ANKRD30BL: variants seen among roughly 807,000 people sequenced by gnomAD.
ANKRD30BL encodes the protein ankyrin repeat domain 30B like, also known as putative ankyrin repeat domain-containing protein 30B-like.
Under a neutral mutation model 18.4 loss-of-function variants are expected in ANKRD30BL, and 20 were observed. The ratio of observed to expected loss-of-function variants is 1.09; its 90% CI spans 0.77 to 1.58. The LOEUF is 1.58. Ranked by LOEUF, ANKRD30BL falls within the 40% of genes most tolerant of loss-of-function variation. The pLI, the probability that ANKRD30BL is intolerant of heterozygous loss-of-function variation, is 0.00. For synonymous variants in ANKRD30BL, 72 were observed against 100.9 expected, an observed-to-expected ratio of 0.71 and a Z score of 1.72; for missense variants, 224 against 268.6, an observed-to-expected ratio of 0.83 and a Z score of 1.16.
At chr2:132,210,271 C>A (rs1460664169) in intron 1 of ANKRD30BL, among the ~76,000 whole-genome samples, 1 of 136,396 alleles carries the variant, frequency 7.3e-6, no homozygotes, top group Non-Finnish European at 1.6e-5. Context: ...CAGAGATGAA[C>A]CTTTCTTTTG....
At chr2:132,181,806 T>C (rs1197835533) in intron 1 of ANKRD30BL, among the ~76,000 whole-genome samples, 1 of 152,100 alleles carries the variant, frequency 6.6e-6, no homozygotes, top group Non-Finnish European at 1.5e-5. Context: ...GGATGAACTG[T>C]TTAGGTCAAA....
intron 1 of ANKRD30BL, among the ~76,000 whole-genome samples, chr2:132,233,860 C>T (rs1224649020): frequency 6.6e-6 from 1 of 151,760 alleles, no homozygotes; most frequent in African/African-American, 2.4e-5. Flanking sequence ...CAGAACTCTC[C>T]ACCCCAAATC....
At chr2:132,187,188 G>GTTTTTTTTTTTTTTTTTTTTTTTTTT (rs1193358076) in intron 1 of ANKRD30BL, among the ~76,000 whole-genome samples, 4 of 90,628 alleles carry the variant, frequency 4.4e-5, no homozygotes, top group African/African-American at 1.2e-4. Flanking sequence ...TTTTTTGTTT[G>GTTTTTTTTTTTTTTTTTTTTTTTTTT]TTTTTTTTTT....
At chr2:132,251,477 A>AC (rs1680647471) in intron 1 of ANKRD30BL, among the ~76,000 whole-genome samples, 1 of 152,014 alleles carries the variant, frequency 6.6e-6, no homozygotes. Context: ...GTTTTCCTCC[A>AC]CCCCTTCCCC....
intron 5 of ANKRD30BL, among the ~76,000 whole-genome samples, chr2:132,149,543 G>A (rs1351644863): frequency 2.6e-5 from 4 of 152,114 alleles, no homozygotes; most frequent in Non-Finnish European, 4.4e-5. Flanking sequence ...TCTCCTACTG[G>A]TACTGATGCA....
At chr2:132,215,028 T>A (rs1186199076) in intron 1 of ANKRD30BL, among the ~76,000 whole-genome samples, 1 of 151,578 alleles carries the variant, frequency 6.6e-6, no homozygotes, top group Non-Finnish European at 1.5e-5. Context: ...AAAAACTAGA[T>A]ATAATCATCC....
upstream of ANKRD30BL, among the ~76,000 whole-genome samples, chr2:132,165,587 G>C (rs1450212757): frequency 5.9e-5 from 9 of 151,264 alleles, no homozygotes; most frequent in East Asian, 1.8e-3. Flanking sequence ...GCCGGACATG[G>C]TGGTAGGAGC....
chr2:132,230,581 T>C (rs576623862), intron 1 of ANKRD30BL, among the ~76,000 whole-genome samples: 10 of 152,050 alleles, frequency 6.6e-5, no homozygotes, highest in Admixed American at 2.0e-4. Context: ...GAAGCACTGT[T>C]TTTGGACAAT....
At chr2:132,231,212 A>T (rs896601342) in intron 1 of ANKRD30BL, among the ~76,000 whole-genome samples, 11 of 152,290 alleles carry the variant, frequency 7.2e-5, no homozygotes, top group Admixed American at 2.0e-4. Context: ...GGTTGTATTC[A>T]ACTCACAGAG....
At chr2:132,177,164 T>A (rs1688379702) in intron 1 of ANKRD30BL, among the ~76,000 whole-genome samples, 1 of 152,096 alleles carries the variant, frequency 6.6e-6, no homozygotes, top group Non-Finnish European at 1.5e-5. Context: ...TTTTTTTTTT[T>A]TTATTTTTGA....
At chr2:132,256,120 A>G in intron 1 of ANKRD30BL, among the ~76,000 whole-genome samples, 1 of 152,244 alleles carries the variant, frequency 6.6e-6, no homozygotes, top group African/African-American at 2.4e-5. Flanking sequence ...GTTTTACTGT[A>G]CCAGCCCTGC....
upstream of ANKRD30BL, among the ~76,000 whole-genome samples, chr2:132,165,496 A>G (rs1193088597): frequency 6.6e-6 from 1 of 151,306 alleles, no homozygotes; most frequent in African/African-American, 2.4e-5. Context: ...GAGTTGGACA[A>G]CAGCCTGGGC....
intron 5 of ANKRD30BL, among the ~76,000 whole-genome samples, chr2:132,148,638 A>G (rs1687678452): frequency 6.6e-6 from 1 of 151,914 alleles, no homozygotes; most frequent in African/African-American, 2.4e-5. Context: ...CCAAAGTGCT[A>G]GGATTACAGG....
intron 1 of ANKRD30BL, among the ~76,000 whole-genome samples, chr2:132,167,872 C>T (rs985473377): frequency 1.3e-5 from 2 of 152,222 alleles, no homozygotes; most frequent in Non-Finnish European, 2.9e-5. Flanking sequence ...ATTGTACCTC[C>T]TGTACCTTAT....
At chr2:132,242,914 A>G (rs1414351701) in intron 1 of ANKRD30BL, among the ~76,000 whole-genome samples, 4 of 151,854 alleles carry the variant, frequency 2.6e-5, no homozygotes, top group Non-Finnish European at 5.9e-5. Context: ...GCATTCTCAG[A>G]AACTACTTTG....
At chr2:132,228,656 C>T (rs1679912239) in intron 1 of ANKRD30BL, among the ~76,000 whole-genome samples, 1 of 150,108 alleles carries the variant, frequency 6.7e-6, no homozygotes, top group Non-Finnish European at 1.5e-5. Context: ...TGTGTGCTTA[C>T]ATCTCACAGA....
chr2:132,173,787 TTAAG>T (rs1688320679), intron 1 of ANKRD30BL, among the ~76,000 whole-genome samples: 2 of 152,318 alleles, frequency 1.3e-5, no homozygotes, highest in Admixed American at 6.5e-5. Flanking sequence ...AAGCTCATTA[TTAAG>T]TTTTATTATT....
chr2:132,169,644 TAAAAAA>T (rs60507906), intron 1 of ANKRD30BL, among the ~76,000 whole-genome samples: 4 of 90,878 alleles, frequency 4.4e-5, no homozygotes, highest in Admixed American at 1.4e-4. Flanking sequence ...ATACTCTGTC[TAAAAAA>T]AAAAAAAAAA....
At chr2:132,252,100 T>C (rs1426171908) in intron 1 of ANKRD30BL, among the ~76,000 whole-genome samples, 3 of 151,364 alleles carry the variant, frequency 2.0e-5, no homozygotes, top group Non-Finnish European at 4.4e-5. Context: ...ATATTATCTT[T>C]TACTCCCTTT....
Sources: allele counts gnomAD v4.1 joint callset (sites outside exome capture counted in the v4.1 genomes callset), GRCh38; gene constraint gnomAD v4.1.1; transcripts MANE v1.5; gene names NCBI Gene and HGNC (gene_info 2026-07-23, HGNC 2026-07-21).